The following TNFRSF11A variants were observed in gnomAD, a reference collection of about 807,000 sequenced individuals.
The protein encoded by TNFRSF11A is TNF receptor superfamily member 11a, also known as tumor necrosis factor receptor superfamily member 11A.
A neutral mutation model predicts 55.7 loss-of-function variants in TNFRSF11A; 32 were observed. The observed-to-expected ratio is 0.57, with a 90% CI of 0.43 to 0.77. The LOEUF (loss-of-function observed/expected upper bound fraction) is 0.77. Ranked by LOEUF, TNFRSF11A falls within the 30% of genes least tolerant of loss-of-function variation. The pLI, the probability that TNFRSF11A is intolerant of heterozygous loss-of-function variation, is 0.00. For missense variants in TNFRSF11A, 753 were observed against 809.8 expected (o/e 0.93, Z 0.85); for synonymous variants, 311 against 331.0 (o/e 0.94, Z 0.65).
intron 1 of TNFRSF11A, among the ~76,000 whole-genome samples, chr18:62,344,079 T>G (rs759149541): frequency 6.6e-6 from 1 of 152,164 alleles, no homozygotes; most frequent in African/African-American, 2.4e-5. Flanking sequence ...AGGCCCTCGA[T>G]TAGATCACAA....
rs76834212 is a variant in TNFRSF11A, at chr18:62,371,134, C to G, written c.1567+1650C>G. ...CGTGAGCCACTGCACCTGGCCTGTT[C>G]TATTTCTTTTCTCTCAGTTTATTGT... is the stretch of plus-strand genomic sequence containing the variant. On this transcript the variant is annotated intron_variant, in intron 9 of 9. Transcript: ENST00000586569. Among the ~76,000 whole-genome samples, 969 of 152,244 alleles carry G rather than the reference C, an allele frequency of 6.4e-3. 4 individuals are homozygous for G. The highest frequency in any genetic ancestry group is 9.9e-3 in the Admixed American group (152 of 15,296).
intron 1 of TNFRSF11A, among the ~76,000 whole-genome samples, chr18:62,345,313 AAG>A (rs2046367412): frequency 6.6e-6 from 1 of 152,194 alleles, no homozygotes; most frequent in Non-Finnish European, 1.5e-5. Context: ...CAACAACCTA[AAG>A]AGTTTTCCAG....
At position 62,369,130 on chromosome 18, in the gene TNFRSF11A, A is replaced by C. The variant is rs1454584049; in HGVS notation, c.1213A>C (p.Thr405Pro). The change falls in exon 9 of 10, where the codon ACT becomes CCT. Residue 405 changes from threonine to proline, a missense_variant. Thr to Pro is a conservative substitution (Grantham distance 38). This residue lies in a region of TNFRSF11A where 567 missense variants were observed against 596.7 expected (regional missense o/e 0.95). Coordinates refer to ENST00000586569, the MANE Select transcript of TNFRSF11A (RefSeq NM_003839.4). ...AGTGGGTTCAGAAAGCTGCAACTGC[A>C]CTGAGCCCCTGTGCAGGACTGATTG... ...STVGSESCNC[T>P]EPLCRTDWTP... 1.9e-6 allele frequency: 3 copies of C among 1,614,126 alleles called. No individual in the cohort carries two copies. The highest frequency in any genetic ancestry group is 4.5e-5 in the East Asian group (2 of 44,890).
Position 62,368,790 on chromosome 18 carries a change from G to C in TNFRSF11A, c.873G>C (p.Glu291Asp). ...ACEGVLLLTL[E>D]EKTFPEDMCY... Reference sequence around the variant, plus strand: ...AAGGTGTCTTACTGCTGACTCTGGAGGAGAAGACATTTCCAGAAGATATGT... The same window carrying C: ...AAGGTGTCTTACTGCTGACTCTGGACGAGAAGACATTTCCAGAAGATATGT... The change falls in exon 9 of 10, where the codon GAG (glutamate) becomes GAC (aspartate). Residue 291 changes from glutamate (E) to aspartate (D), a missense_variant. Glu to Asp is a conservative substitution (Grantham distance 45). Transcript: ENST00000586569. The C allele has an allele frequency of 6.2e-7, 1 of 1,614,236 alleles. No individual in the cohort carries two copies. The highest frequency in any genetic ancestry group is 8.5e-7 in the Non-Finnish European group (1 of 1,180,046).
At chr18:62,349,743 G>A in intron 2 of TNFRSF11A, 69 bp from the exon 3 acceptor site, 1 of 1,595,472 alleles carries the variant, frequency 6.3e-7, no homozygotes, top group South Asian at 1.1e-5. Flanking sequence ...TTTTGTTGCT[G>A]TTTTGCTTTG....
intron 1 of TNFRSF11A, among the ~76,000 whole-genome samples, chr18:62,333,722 G>A (rs2046189516): frequency 6.6e-6 from 1 of 152,174 alleles, no homozygotes; most frequent in Non-Finnish European, 1.5e-5. Flanking sequence ...CTGTGATGGG[G>A]TAGGGAGTAG....
chr18:62,332,327 A>T (rs1317522337), intron 1 of TNFRSF11A, among the ~76,000 whole-genome samples: 1 of 152,232 alleles, frequency 6.6e-6, no homozygotes. Context: ...GTAGTAGCAC[A>T]AACAGCTGGC....
chr18:62,326,341 A>AG (rs1441599248), intron 1 of TNFRSF11A, among the ~76,000 whole-genome samples: 1 of 152,142 alleles, frequency 6.6e-6, no homozygotes. Flanking sequence ...GTGAGAAGAG[A>AG]GGGGAAAAGC....
chr18:62,327,557 T>G (rs980531004), intron 1 of TNFRSF11A, among the ~76,000 whole-genome samples: 3 of 152,250 alleles, frequency 2.0e-5, no homozygotes, highest in African/African-American at 7.2e-5. Flanking sequence ...AAGCTCTCTC[T>G]GTATTCAATG....
chr18:62,358,015 T>C (rs1282875837), intron 4 of TNFRSF11A: 23 of 531,028 alleles, frequency 4.3e-5, no homozygotes, highest in Non-Finnish European at 7.8e-5. Context: ...TCAGTTACCT[T>C]TCTGAGCGTG....
At chr18:62,333,146 A>G (rs7235803) in intron 1 of TNFRSF11A, among the ~76,000 whole-genome samples, 62,145 of 151,956 alleles carry the variant, frequency 0.41, 13,595 homozygotes, top group African/African-American at 0.56. Context: ...GGGGAAGGAT[A>G]AAGCCAGCTG....
chr18:62,385,063 T>C lies in TNFRSF11A; in HGVS notation c.*29T>C, dbSNP rs1226088986. 6.9e-7 allele frequency: 1 copy of C among 1,454,584 alleles called. No homozygotes were observed. Among genetic ancestry groups the C allele is most frequent in the Admixed American group, 2.7e-5 (1 of 37,418 alleles). The allele number at this position is 1,454,584 out of a possible 1,614,324, so 90.1% of individuals were successfully genotyped here. ...CCCCCCATGGCTGGGAGCCCGAAGC[T>C]CGGAGCCAGGGCTCGCGAGGGCAGC... On this transcript the variant is annotated 3_prime_UTR_variant, in exon 10 of 10. Transcript: ENST00000586569.
At position 62,358,012 on chromosome 18, in the gene TNFRSF11A, C is replaced by A. The variant is rs1037521387; in HGVS notation, c.428-236C>A. 5.7e-6 allele frequency: 3 copies of A among 525,490 alleles called. No homozygotes were observed. In the African/African-American group the frequency reaches 5.8e-5, roughly 10 times the overall value. The allele number at this position is 525,490 out of a possible 1,614,324, so 32.6% of individuals were successfully genotyped here. On this transcript the variant is annotated intron_variant, in intron 4 of 9. Transcript: ENST00000586569. Reference sequence around the variant, plus strand: ...TAGTGGCCTGACATCAAGTCAGTTACCTTTCTGAGCGTGGTTCCATAACTC... The same window carrying A: ...TAGTGGCCTGACATCAAGTCAGTTAACTTTCTGAGCGTGGTTCCATAACTC...
rs966944279 is a variant in TNFRSF11A, at chr18:62,387,114, A to T, written c.*2080A>T. The T allele has an allele frequency of 6.6e-6, 1 of 152,204 alleles. No homozygotes were observed. Among genetic ancestry groups the T allele is most frequent in the East Asian group, 1.9e-4 (1 of 5,198 alleles). 9.4% of individuals were successfully genotyped at this position (152,204 alleles called of 1,614,324 possible). A position where few individuals can be genotyped will look rare whatever the true frequency, so the allele number is the denominator to read the frequency against. ...TTTATAATAGTTTCCCTACCCAGAGATATTAGAAGTATGCTACAGTGAATG... is the reference window on the plus strand; with the variant it reads ...TTTATAATAGTTTCCCTACCCAGAGTTATTAGAAGTATGCTACAGTGAATG... On this transcript the variant is annotated 3_prime_UTR_variant, in exon 10 of 10. Transcript: ENST00000586569.
chr18:62,335,026 C>T (rs1300260877), intron 1 of TNFRSF11A, among the ~76,000 whole-genome samples: 1 of 152,010 alleles, frequency 6.6e-6, no homozygotes, highest in African/African-American at 2.4e-5. Flanking sequence ...CTGTGGGTCA[C>T]AAGGTTTAAA....
At chr18:62,360,145 C>T in intron 6 of TNFRSF11A, 96 bp downstream of exon 6, 1 of 880,380 alleles carries the variant, frequency 1.1e-6, no homozygotes, top group Admixed American at 1.9e-5. Flanking sequence ...TGCGGGCGTC[C>T]TCTCCCCCTT....
chr18:62,346,545 G>A (rs1209681718), intron 1 of TNFRSF11A, among the ~76,000 whole-genome samples: 11 of 152,152 alleles, frequency 7.2e-5, no homozygotes, highest in Admixed American at 5.9e-4. Flanking sequence ...CGGTGTCCAC[G>A]GGGAGTGTTA....
At position 62,365,701 on chromosome 18, in the gene TNFRSF11A, G is replaced by A. The variant is rs1161775987; in HGVS notation, c.731-1007G>A. On this transcript the variant is annotated intron_variant, in intron 7 of 9. Coordinates refer to ENST00000586569, the MANE Select transcript of TNFRSF11A (RefSeq NM_003839.4). ...CTGACAGCCCCCAAATGTGCCCAGA[G>A]GAAGTCACTGAAACGTTAGAGGATC... is the stretch of plus-strand genomic sequence containing the variant. 2.0e-5 allele frequency among the ~76,000 whole-genome samples: 3 copies of A among 152,212 alleles called. No individual in the cohort carries two copies. In the East Asian group the frequency reaches 5.8e-4, roughly 29 times the overall value.
Position 62,385,666 on chromosome 18 carries a change from C to CCG in TNFRSF11A, c.*633_*634insGC, listed in dbSNP as rs1448695648. The CCG allele has an allele frequency of 2.0e-5, 3 of 151,394 alleles. No homozygotes were observed. Among genetic ancestry groups the CCG allele is most frequent in the South Asian group, 2.1e-4 (1 of 4,776 alleles). The allele number at this position is 151,394 out of a possible 1,614,324, so 9.4% of individuals were successfully genotyped here. A position where few individuals can be genotyped will look rare whatever the true frequency, so the allele number is the denominator to read the frequency against. On this transcript the variant is annotated 3_prime_UTR_variant, in exon 10 of 10. Transcript: ENST00000586569. ...CCCAGCTTCCTCCCCCCGACTCCCC[C>CCG]CCCAGAGACACGGTCCCACCATGTT...
Sources: gnomAD v4.1 joint callset for allele counts (sites outside exome capture counted in the v4.1 genomes callset) on GRCh38, gnomAD v4.1.1 for gene constraint, gnomAD v4.1.1 regional missense constraint, MANE v1.5 for transcripts, NCBI Gene and HGNC (gene_info 2026-07-23, HGNC 2026-07-21) for gene names.